The following ODAD3 variants were observed in gnomAD, a reference collection of about 807,000 sequenced individuals.
The protein encoded by ODAD3 is outer dynein arm docking complex subunit 3, also known as outer dynein arm-docking complex subunit 3.
ODAD3 carries 57 observed loss-of-function variants against 70.9 expected under a neutral mutation model. The ratio of observed to expected loss-of-function variants is 0.80; its 90% CI spans 0.65 to 1.00. The LOEUF (loss-of-function observed/expected upper bound fraction) is 1.00. Ranked by LOEUF, ODAD3 falls within the 50% of genes least tolerant of loss-of-function variation. The probability of loss-of-function intolerance (pLI) is 0.00; values close to 1 mark genes in which losing one functional copy is unlikely to be tolerated. For missense variants in ODAD3, 797 were observed against 763.9 expected, an observed-to-expected ratio of 1.04 and a Z score of -0.51; for synonymous variants, 327 against 315.9, an observed-to-expected ratio of 1.04 and a Z score of -0.37.
chr19:11,426,111 G>T, intron 7 of ODAD3, 33 bp downstream of exon 7: 1 of 1,595,208 alleles, frequency 6.3e-7, no homozygotes, highest in Non-Finnish European at 8.5e-7. Flanking sequence ...GGCTGGGCTG[G>T]AGTCACAGGC....
At chr19:11,420,992 G>C in intron 12 of ODAD3, 45 bp from the exon 13 acceptor site, 1 of 1,595,670 alleles carries the variant, frequency 6.3e-7, no homozygotes, top group East Asian at 2.2e-5. Context: ...TGGGATCCAG[G>C]TCCCCATCCC....
In ODAD3 at chr19:11,435,031, T is replaced by C; in HGVS notation, c.-15A>G. The stretch of plus-strand genomic sequence containing the variant: ...GGAGATGTCATGATGGGGTTGGGGC[T>C]GAAGGCCCCTAGGGGTTAGGGGGAT... On this transcript the variant is annotated 5_prime_UTR_variant, in exon 1 of 13. Coordinates refer to ENST00000356392, the MANE Select transcript of ODAD3 (RefSeq NM_145045.5). 6.2e-7 allele frequency: 1 copy of C among 1,603,374 alleles called. No individual in the cohort carries two copies. The highest frequency in any genetic ancestry group is 8.5e-7 in the Non-Finnish European group (1 of 1,177,234).
chr19:11,425,266 T>C (rs1298378004), intron 7 of ODAD3, among the ~76,000 whole-genome samples: 1 of 142,980 alleles, frequency 7.0e-6, no homozygotes, highest in Non-Finnish European at 1.5e-5. Context: ...TGTACATATG[T>C]GTATATGTGT....
chr19:11,435,081 A>G lies in ODAD3; in HGVS notation c.-65T>C. The G allele has an allele frequency of 6.5e-7, 1 of 1,531,946 alleles. No homozygotes were observed. The highest frequency in any genetic ancestry group is 8.7e-7 in the Non-Finnish European group (1 of 1,144,330). 94.9% of individuals were successfully genotyped at this position (1,531,946 alleles called of 1,614,324 possible). A position where few individuals can be genotyped will look rare whatever the true frequency, so the allele number is the denominator to read the frequency against. ...TAACTAGGAGTCAGTCGCCCCTGTC[A>G]GGGATCCGTCAGCTCGGATTCCTAG... On this transcript the variant is annotated 5_prime_UTR_variant, in exon 1 of 13. Coordinates refer to ENST00000356392, the MANE Select transcript of ODAD3 (RefSeq NM_145045.5).
At chr19:11,426,820 C>G in intron 4 of ODAD3, 36 bp from the exon 5 acceptor site, 1 of 1,613,300 alleles carries the variant, frequency 6.2e-7, no homozygotes, top group Non-Finnish European at 8.5e-7. Flanking sequence ...GGGCCCTCCG[C>G]ACTCAATCCC....
At position 11,430,699 on chromosome 19, in the gene ODAD3, C is replaced by T; in HGVS notation, c.444G>A (p.Gln148=). The change falls in exon 3 of 13, where the codon CAG becomes CAA. Residue 148 remains glutamine (Q), a splice_region_variant and synonymous_variant. Transcript: ENST00000356392. ...EKPYLKNRTG[Q]ALEHLDHRLR... is the part of the protein sequence containing the mutation. Reference sequence around the variant, plus strand: ...GGAGGTGGGGCGAGGGTGGGCAAACCTGTCCTGTCCTGTTCTTCAGGTATG... The same window carrying T: ...GGAGGTGGGGCGAGGGTGGGCAAACTTGTCCTGTCCTGTTCTTCAGGTATG... 6.2e-7 allele frequency: 1 copy of T among 1,614,078 alleles called. No individual in the cohort carries two copies.
At chr19:11,425,664 T>C (rs548511244) in intron 7 of ODAD3, among the ~76,000 whole-genome samples, 1 of 131,562 alleles carries the variant, frequency 7.6e-6, no homozygotes, top group Non-Finnish European at 1.5e-5. Flanking sequence ...TATATATATA[T>C]ATATATGCAA....
chr19:11,431,020 T>C lies in ODAD3; in HGVS notation c.245A>G (p.Glu82Gly), dbSNP rs1318880960. 1 of 1,613,958 alleles carries C rather than the reference T, an allele frequency of 6.2e-7. No homozygotes were observed. Among genetic ancestry groups the C allele is most frequent in the Non-Finnish European group, 8.5e-7 (1 of 1,180,028 alleles). The change falls in exon 2 of 13, where the codon GAG (glutamate) becomes GGG (glycine). Residue 82 changes from glutamate to glycine, a missense_variant and splice_region_variant. Physicochemically the swap from Glu to Gly is moderately conservative, Grantham distance 98 (BLOSUM62 -2). Transcript: ENST00000356392. ...AELHKKIQLL[E>G]GDRKAFFESS... ...CTCAAAAAAAGCCTTCCGGTCACCC[T>C]CTGGCAGGCAGGTGAGGTGGACAGA...
chr19:11,434,167 C>T (rs550841223), intron 1 of ODAD3, among the ~76,000 whole-genome samples: 1 of 149,068 alleles, frequency 6.7e-6, no homozygotes, highest in African/African-American at 2.5e-5. Flanking sequence ...GAGCCGAGAT[C>T]ATGCCACTGC....
intron 3 of ODAD3, among the ~76,000 whole-genome samples, chr19:11,429,227 T>C (rs1480422180): frequency 6.6e-6 from 1 of 151,518 alleles, no homozygotes; most frequent in Non-Finnish European, 1.5e-5. Context: ...TTTTGTTTTT[T>C]TGAGACAGAG....
upstream of ODAD3, chr19:11,435,603 C>T: frequency 9.6e-7 from 1 of 1,040,964 alleles, no homozygotes; most frequent in Non-Finnish European, 1.3e-6. Flanking sequence ...AACGTACGAC[C>T]GGAAGTGACG....
intron 12 of ODAD3, 28 bp downstream of exon 12, chr19:11,421,100 A>AC: frequency 6.2e-7 from 1 of 1,608,052 alleles, no homozygotes; most frequent in East Asian, 2.2e-5. Flanking sequence ...CCCCAACCGC[A>AC]CCCCTTCATC....
At position 11,422,537 on chromosome 19, in the gene ODAD3, C is replaced by T; in HGVS notation, c.1368G>A (p.Leu456=). The change falls in exon 10 of 13, where the codon TTG becomes TTA. Residue 456 remains leucine, a synonymous_variant. Transcript: ENST00000356392. The surrounding 1 kb of genome is among the most constrained non-coding windows in gnomAD (Gnocchi z 4.6). ...TGTCCTTGGCCACTTGCATCGCCCGCAAGGCGCGCTCCAGCTGGTCCTTGG... is the reference window on the plus strand; with the variant it reads ...TGTCCTTGGCCACTTGCATCGCCCGTAAGGCGCGCTCCAGCTGGTCCTTGG... ...AEAKDQLERA[L]RAMQVAKDSL... 1 of 1,591,938 alleles carries T rather than the reference C, an allele frequency of 6.3e-7. No individual in the cohort carries two copies. The highest frequency in any genetic ancestry group is 1.1e-5 in the South Asian group (1 of 88,198).
At chr19:11,430,240 C>A (rs1365770906) in intron 3 of ODAD3, among the ~76,000 whole-genome samples, 2 of 151,908 alleles carry the variant, frequency 1.3e-5, no homozygotes, top group Non-Finnish European at 2.9e-5. Context: ...CGGGTTCAAG[C>A]GATTCTCCTG....
Position 11,425,407 on chromosome 19 carries a change from A to ATGTGTGTATG in ODAD3, c.963+736_963+737insCATACACACA, listed in dbSNP as rs1969319774. ...TATGTACATATGTGTATATGTATAT[A>ATGTGTGTATG]TACATATATGTGTATATACACATAT... On this transcript the variant is annotated intron_variant, in intron 7 of 12. Transcript: ENST00000356392. 5.5e-4 allele frequency among the ~76,000 whole-genome samples: 61 copies of ATGTGTGTATG among 110,578 alleles called. 3 individuals carry two copies. Among genetic ancestry groups the ATGTGTGTATG allele is most frequent in the African/African-American group, 1.9e-3 (29 of 15,228 alleles). 72.5% of individuals were successfully genotyped at this position (110,578 alleles called of 152,430 possible). A position where few individuals can be genotyped will look rare whatever the true frequency, so the allele number is the denominator to read the frequency against.
intron 7 of ODAD3, among the ~76,000 whole-genome samples, chr19:11,425,723 A>G (rs1196420784): frequency 2.1e-5 from 3 of 141,110 alleles, no homozygotes; most frequent in African/African-American, 3.1e-5. Context: ...CAAAAAACAA[A>G]AAGGCAGGAC....
intron 1 of ODAD3, 100 bp downstream of exon 1, chr19:11,434,673 T>C: frequency 6.9e-7 from 1 of 1,454,930 alleles, no homozygotes; most frequent in Non-Finnish European, 9.2e-7. Flanking sequence ...CCAGAAACGG[T>C]TTACCTAGAC....
At chr19:11,427,230 A>G (rs934973609) in intron 3 of ODAD3, among the ~76,000 whole-genome samples, 190 bp from the exon 4 acceptor site, 1 of 151,816 alleles carries the variant, frequency 6.6e-6, no homozygotes, top group Non-Finnish European at 1.5e-5. Flanking sequence ...CTCTGTCTAT[A>G]TCGACCACCT....
chr19:11,430,802 T>C, intron 2 of ODAD3, 26 bp from the exon 3 acceptor site: 4 of 1,614,060 alleles, frequency 2.5e-6, no homozygotes, highest in Non-Finnish European at 3.4e-6. Flanking sequence ...TCCAGTCACC[T>C]TTCAGCATGC....
Sources: allele counts gnomAD v4.1 joint callset (sites outside exome capture counted in the v4.1 genomes callset), GRCh38; gene constraint gnomAD v4.1.1; non-coding constraint Gnocchi (gnomAD v3.1); transcripts MANE v1.5; gene names NCBI Gene and HGNC (gene_info 2026-07-23, HGNC 2026-07-21).